Variants in MEGF11 observed in about 807,000 individuals in gnomAD.
MEGF11 encodes multiple EGF like domains 11.
A neutral mutation model predicts 146.6 loss-of-function variants in MEGF11; 126 were observed. That is an observed-to-expected ratio of 0.86 (90% CI 0.74 to 1.00). The LOEUF (loss-of-function observed/expected upper bound fraction) is 1.00, where lower values mean the gene tolerates loss of function less well. MEGF11 is among the 50% of genes least tolerant of loss of function. The pLI is 0.00. For missense variants in MEGF11, 1,509 were observed against 1,521.2 expected (o/e 0.99, Z 0.13); for synonymous variants, 532 against 583.4 (o/e 0.91, Z 1.27).
intron 1 of MEGF11, among the ~76,000 whole-genome samples, chr15:66,204,358 T>C (rs2091246046): frequency 6.6e-6 from 1 of 152,036 alleles, no homozygotes; most frequent in African/African-American, 2.4e-5. Flanking sequence ...TGGGCCGAGA[T>C]TGTGCCACTG....
chr15:66,023,904 G>A (rs1466178133), intron 5 of MEGF11, among the ~76,000 whole-genome samples: 4 of 152,184 alleles, frequency 2.6e-5, no homozygotes, highest in Admixed American at 6.5e-5. Flanking sequence ...GGTGAGGGTC[G>A]GTCTGAAGGC....
chr15:66,012,804 G>A (rs561303851), intron 5 of MEGF11, among the ~76,000 whole-genome samples: 219 of 152,316 alleles, frequency 1.4e-3, no homozygotes, highest in Non-Finnish European at 2.2e-3. Context: ...AGGCAGCAGC[G>A]CTTCCCCTAG....
chr15:66,203,640 C>G (rs941326704), intron 1 of MEGF11, among the ~76,000 whole-genome samples: 1 of 152,156 alleles, frequency 6.6e-6, no homozygotes, highest in Non-Finnish European at 1.5e-5. Flanking sequence ...CCCTAAGCAC[C>G]TTTGCTCCTT....
Position 66,128,375 on chromosome 15 carries a change from G to A in MEGF11, c.29C>T (p.Ala10Val). 6.6e-7 allele frequency: 1 copy of A among 1,522,578 alleles called. No individual in the cohort carries two copies. The highest frequency in any genetic ancestry group is 8.8e-7 in the Non-Finnish European group (1 of 1,133,424). The allele number at this position is 1,522,578 out of a possible 1,614,324, so 94.3% of individuals were successfully genotyped here. MVLSLTGLI[A>V]FSFLQATLAL... is the part of the protein sequence containing the mutation. Reference sequence around the variant, plus strand: ...AAGGGTGGCTTGCAGGAAGGAGAAGGCAATGAGCCCCGTCAGGGAGAGCAC... The same window carrying A: ...AAGGGTGGCTTGCAGGAAGGAGAAGACAATGAGCCCCGTCAGGGAGAGCAC... The change falls in exon 2 of 26, where the codon GCC becomes GTC. Residue 10 changes from alanine to valine, a missense_variant. Physicochemically the swap from Ala to Val is moderately conservative, Grantham distance 64. Transcript: ENST00000395614.
chr15:65,935,333 A>G (rs1257756680), intron 10 of MEGF11, among the ~76,000 whole-genome samples: 3 of 105,380 alleles, frequency 2.8e-5, no homozygotes, highest in African/African-American at 6.1e-5. Context: ...AAAAAAAAAA[A>G]AAAAAAAAAA....
At chr15:65,935,706 T>C (rs1424127967) in intron 10 of MEGF11, among the ~76,000 whole-genome samples, 1 of 151,906 alleles carries the variant, frequency 6.6e-6, no homozygotes, top group Non-Finnish European at 1.5e-5. Flanking sequence ...CCTGAAGGAG[T>C]GTAACCTTGG....
chr15:66,148,965 C>A (rs1248275593), intron 1 of MEGF11, among the ~76,000 whole-genome samples: 1 of 152,216 alleles, frequency 6.6e-6, no homozygotes, highest in African/African-American at 2.4e-5. Flanking sequence ...CCATTTGGGG[C>A]CTCAGTCTCC....
chr15:66,048,301 T>C (rs551172857), intron 5 of MEGF11, among the ~76,000 whole-genome samples: 1 of 151,928 alleles, frequency 6.6e-6, no homozygotes, highest in Non-Finnish European at 1.5e-5. Flanking sequence ...GGAGCAGGGG[T>C]TAGAGGACCC....
chr15:65,947,790 C>T (rs145406883), intron 10 of MEGF11, among the ~76,000 whole-genome samples: 101 of 152,282 alleles, frequency 6.6e-4, no homozygotes, highest in Non-Finnish European at 1.2e-3. Flanking sequence ...GCATAGATGC[C>T]GCAGATCTGC....
rs151026823 is a variant in MEGF11, at chr15:66,198,516, C to G, written c.-9+55089G>C. Among the ~76,000 whole-genome samples, 449 of 152,298 alleles carry G rather than the reference C, an allele frequency of 2.9e-3. 3 individuals are homozygous for G. Among genetic ancestry groups the G allele is most frequent in the African/African-American group, 0.01 (426 of 41,556 alleles). ...GTTTTTCGTTTTTGAGACGGAGTCT[C>G]ACTCTGTCGCCCAGGCTGGAGTGCA... On this transcript the variant is annotated intron_variant, in intron 1 of 25. Coordinates refer to ENST00000395614, the MANE Select transcript of MEGF11 (RefSeq NM_001385028.1).
At chr15:66,062,592 T>TTG (rs1406993882) in intron 5 of MEGF11, among the ~76,000 whole-genome samples, 9 of 152,348 alleles carry the variant, frequency 5.9e-5, no homozygotes, top group African/African-American at 2.2e-4. Context: ...CACCGACACC[T>TTG]TGGTTGTAAC....
intron 1 of MEGF11, among the ~76,000 whole-genome samples, chr15:66,224,393 G>C (rs1415596997): frequency 1.3e-5 from 2 of 151,838 alleles, no homozygotes; most frequent in African/African-American, 2.4e-5. Flanking sequence ...TGGCCAACAT[G>C]GCAAAACCCC....
At chr15:66,233,957 T>C (rs2092031597) in intron 1 of MEGF11, among the ~76,000 whole-genome samples, 1 of 149,304 alleles carries the variant, frequency 6.7e-6, no homozygotes, top group African/African-American at 2.5e-5. Flanking sequence ...TTTTCTTTTT[T>C]TTTTTTTTTT....
intron 1 of MEGF11, among the ~76,000 whole-genome samples, chr15:66,204,979 ATTTTT>A (rs34157473): frequency 8.0e-6 from 1 of 125,152 alleles, no homozygotes; most frequent in Non-Finnish European, 1.7e-5. Context: ...CTTGGGTTGA[ATTTTT>A]TTTTTTTTTT....
chr15:66,214,192 C>T (rs962301132), intron 1 of MEGF11, among the ~76,000 whole-genome samples: 1 of 152,046 alleles, frequency 6.6e-6, no homozygotes, highest in Non-Finnish European at 1.5e-5. Context: ...CCCACCACCA[C>T]ACCCGGCTAA....
chr15:66,237,972 T>C (rs2092131691), intron 1 of MEGF11, among the ~76,000 whole-genome samples: 1 of 152,216 alleles, frequency 6.6e-6, no homozygotes, highest in Non-Finnish European at 1.5e-5. Context: ...TGCACGGTAA[T>C]AGAGGATTGA....
intron 5 of MEGF11, among the ~76,000 whole-genome samples, chr15:66,004,468 A>G (rs1297317514): frequency 6.6e-6 from 1 of 152,058 alleles, no homozygotes; most frequent in East Asian, 1.9e-4. Flanking sequence ...TATAGTGAAT[A>G]TTAATATTTG....
chr15:66,137,760 C>T (rs1212859919), intron 1 of MEGF11, among the ~76,000 whole-genome samples: 3 of 151,884 alleles, frequency 2.0e-5, no homozygotes, highest in Admixed American at 6.6e-5. Flanking sequence ...GTTGCCCAGA[C>T]TGGTCTGGAA....
intron 5 of MEGF11, among the ~76,000 whole-genome samples, chr15:66,067,695 C>T (rs2085193223): frequency 6.6e-6 from 1 of 152,200 alleles, no homozygotes; most frequent in Non-Finnish European, 1.5e-5. Flanking sequence ...CATAAGCACG[C>T]TAACAAATGT....
Sources: gnomAD v4.1 joint callset for allele counts (sites outside exome capture counted in the v4.1 genomes callset) on GRCh38, gnomAD v4.1.1 for gene constraint, MANE v1.5 for transcripts, NCBI Gene and HGNC (gene_info 2026-07-23, HGNC 2026-07-21) for gene names.